PPP1R12B: variants seen among roughly 807,000 people sequenced by gnomAD.
The protein encoded by PPP1R12B is myosin phosphatase target subunit 2.
PPP1R12B carries 76 observed loss-of-function variants against 126.1 expected under a neutral mutation model. That is an observed-to-expected ratio of 0.60 (90% CI 0.50 to 0.73). The LOEUF is 0.73. Among genes scored for constraint, PPP1R12B ranks in the 30% least tolerant of loss-of-function variants. PPP1R12B has a pLI of 0.00. For synonymous variants in PPP1R12B, 356 were observed against 434.7 expected (o/e 0.82, Z 2.25); for missense variants, 1,052 against 1,205.1 (o/e 0.87, Z 1.88).
intron 13 of PPP1R12B, among the ~76,000 whole-genome samples, chr1:202,476,682 CAA>C (rs755720362): frequency 5.7e-5 from 7 of 122,412 alleles, no homozygotes; most frequent in Admixed American, 8.4e-5. Flanking sequence ...GACTCTGTCT[CAA>C]AAAAAAAAAA....
chr1:202,416,284 T>A (rs940509669), intron 1 of PPP1R12B, among the ~76,000 whole-genome samples: 2 of 152,122 alleles, frequency 1.3e-5, no homozygotes, highest in Non-Finnish European at 2.9e-5. Context: ...CCCAGCACTT[T>A]GGGAGGCTGA....
intron 14 of PPP1R12B, among the ~76,000 whole-genome samples, chr1:202,492,054 A>G (rs1194224397): frequency 2.0e-5 from 3 of 152,096 alleles, no homozygotes; most frequent in African/African-American, 4.8e-5. Context: ...TTGTTTCTGT[A>G]TCTTTGTACA....
intron 1 of PPP1R12B, among the ~76,000 whole-genome samples, chr1:202,355,364 TAAAAA>T (rs772206380): frequency 2.6e-5 from 4 of 151,816 alleles, no homozygotes; most frequent in Admixed American, 6.6e-5. Context: ...AACAGATAAA[TAAAAA>T]AAAGATTCCT....
At chr1:202,567,427 G>A (rs903638103) in intron 21 of PPP1R12B, 9 of 191,718 alleles carry the variant, frequency 4.7e-5, no homozygotes, top group African/African-American at 2.1e-4. Flanking sequence ...ATTACTCATA[G>A]AATGAAGAGA....
At chr1:202,400,674 A>C (rs1000691933) in intron 1 of PPP1R12B, among the ~76,000 whole-genome samples, 4 of 152,238 alleles carry the variant, frequency 2.6e-5, no homozygotes, top group African/African-American at 9.6e-5. Context: ...AATATGCATG[A>C]GCAGTTAAGT....
intron 13 of PPP1R12B, among the ~76,000 whole-genome samples, chr1:202,454,140 A>G (rs1673334304): frequency 6.6e-6 from 1 of 152,242 alleles, no homozygotes; most frequent in South Asian, 2.1e-4. Context: ...ATAAAACTGC[A>G]TTATTAAATA....
At chr1:202,476,682 CA>C (rs755720362) in intron 13 of PPP1R12B, among the ~76,000 whole-genome samples, 223 of 122,288 alleles carry the variant, frequency 1.8e-3, no homozygotes, top group Middle Eastern at 4.6e-3. Context: ...GACTCTGTCT[CA>C]AAAAAAAAAA....
intron 18 of PPP1R12B, among the ~76,000 whole-genome samples, chr1:202,556,719 C>G (rs1686988234): frequency 6.6e-6 from 1 of 152,130 alleles, no homozygotes; most frequent in Non-Finnish European, 1.5e-5. Context: ...GTTCACAGTG[C>G]TCTCCTGGTT....
Position 202,580,480 on chromosome 1 carries a change from A to C in PPP1R12B, c.2869A>C (p.Thr957Pro), listed in dbSNP as rs199650398. 3 of 1,613,394 alleles carry C rather than the reference A, an allele frequency of 1.9e-6. No individual in the cohort carries two copies. In the African/African-American group the frequency reaches 4.0e-5, roughly 22 times the overall value. ...SEMEEEMKVL[T>P]ELKSDNQRLK... ...TCCCTCTGTCACCCTACAGGTGTTA[A>C]CAGAACTGAAATCCGACAACCAGAG... Residue 957 changes from threonine to proline, a missense_variant, in exon 24 of 24, where the codon ACA becomes CCA. Coordinates refer to ENST00000608999, the MANE Select transcript of PPP1R12B (RefSeq NM_002481.4).
intron 18 of PPP1R12B, among the ~76,000 whole-genome samples, chr1:202,505,739 T>G (rs1680734437): frequency 6.6e-6 from 1 of 152,310 alleles, no homozygotes; most frequent in East Asian, 1.9e-4. Context: ...TATTTTTTTT[T>G]GCAGTATATT....
intron 18 of PPP1R12B, among the ~76,000 whole-genome samples, chr1:202,548,806 CTCTATATA>C (rs1487102558): frequency 0.093 from 7,015 of 75,764 alleles, 197 homozygotes; most frequent in South Asian, 0.18. Flanking sequence ...CTCTCTCTCT[CTCTATATA>C]TATATATATA....
chr1:202,448,030 A>AT (rs1037338338), intron 12 of PPP1R12B, among the ~76,000 whole-genome samples: 1 of 150,060 alleles, frequency 6.7e-6, no homozygotes, highest in African/African-American at 2.5e-5. Context: ...TGTTTTTATT[A>AT]TTTTTTTTCA....
intron 1 of PPP1R12B, among the ~76,000 whole-genome samples, chr1:202,371,768 A>G (rs1660306509): frequency 6.6e-6 from 1 of 151,974 alleles, no homozygotes; most frequent in Non-Finnish European, 1.5e-5. Context: ...CCTGAATGTT[A>G]ACATTTTACA....
chr1:202,425,704 A>G lies in PPP1R12B; in HGVS notation c.680A>G (p.Lys227Arg). Residue 227 changes from lysine (K) to arginine (R), a missense_variant, in exon 4 of 24, where the codon AAG becomes AGG. Lys to Arg is a conservative substitution (Grantham distance 26, BLOSUM62 2). Coordinates refer to ENST00000608999, the MANE Select transcript of PPP1R12B (RefSeq NM_002481.4). ...ACAGCCCTTCATGTGGCTGCTGCCA[A>G]GGGCTACTCTGAAGTCCTCAGGTAT... ...GATALHVAAA[K>R]GYSEVLRLLI... 6.2e-7 allele frequency: 1 copy of G among 1,613,892 alleles called. No individual in the cohort carries two copies. Among genetic ancestry groups the G allele is most frequent in the Non-Finnish European group, 8.5e-7 (1 of 1,179,838 alleles).
intron 1 of PPP1R12B, among the ~76,000 whole-genome samples, chr1:202,357,259 A>C (rs1296887578): frequency 2.6e-5 from 4 of 152,236 alleles, no homozygotes; most frequent in Non-Finnish European, 4.4e-5. Context: ...GAACCGACAA[A>C]CAGTGATATT....
chr1:202,424,892 A>G (rs1172114350), intron 3 of PPP1R12B, among the ~76,000 whole-genome samples: 2 of 152,180 alleles, frequency 1.3e-5, no homozygotes, highest in Non-Finnish European at 2.9e-5. Flanking sequence ...CAGATCACCT[A>G]CTAATCTGTC....
chr1:202,386,521 C>T (rs1455492614), intron 1 of PPP1R12B, among the ~76,000 whole-genome samples: 4 of 151,664 alleles, frequency 2.6e-5, no homozygotes, highest in Non-Finnish European at 4.4e-5. Context: ...TTAGTAGAGA[C>T]GGTGTTTCAC....
At chr1:202,495,133 C>G (rs1464716881) in intron 15 of PPP1R12B, among the ~76,000 whole-genome samples, 160 bp from the exon 16 acceptor site, 2 of 148,784 alleles carry the variant, frequency 1.3e-5, no homozygotes, top group African/African-American at 2.5e-5. Flanking sequence ...CTAACTTTAG[C>G]TTAGTTCATT....
At chr1:202,474,788 T>C (rs1676427010) in intron 13 of PPP1R12B, among the ~76,000 whole-genome samples, 1 of 152,214 alleles carries the variant, frequency 6.6e-6, no homozygotes. Context: ...GTTCCTCTTT[T>C]AACTGCTCAG....
Sources: gnomAD v4.1 joint callset for allele counts (sites outside exome capture counted in the v4.1 genomes callset) on GRCh38, gnomAD v4.1.1 for gene constraint, MANE v1.5 for transcripts, NCBI Gene and HGNC (gene_info 2026-07-23, HGNC 2026-07-21) for gene names.